The following WASHC3 variants were observed in gnomAD, a reference collection of about 807,000 sequenced individuals.
The protein encoded by WASHC3 is WASH complex subunit CCDC53.
Under a neutral mutation model 26.1 loss-of-function variants are expected in WASHC3, and 24 were observed. That is an observed-to-expected ratio of 0.92 (90% CI 0.66 to 1.29). The LOEUF (loss-of-function observed/expected upper bound fraction) is 1.29. WASHC3 is among the 50% of genes most tolerant of loss of function. The pLI, the probability that WASHC3 is intolerant of heterozygous loss-of-function variation, is 0.00. For missense variants in WASHC3, 214 were observed against 229.6 expected (o/e 0.93, Z 0.44); for synonymous variants, 77 against 75.7 (o/e 1.02, Z -0.09).
chr12:102,062,095 T>G (rs946339047), upstream of WASHC3: 1 of 703,380 alleles, frequency 1.4e-6, no homozygotes, highest in African/African-American at 1.8e-5. Flanking sequence ...GAAGAAAGCT[T>G]CTCCGCTCAC....
intron 6 of WASHC3, among the ~76,000 whole-genome samples, chr12:102,021,293 T>C (rs765467619): frequency 2.0e-5 from 3 of 152,188 alleles, no homozygotes; most frequent in Non-Finnish European, 4.4e-5. Flanking sequence ...TTTGTCTTAG[T>C]AGGTAGACTC....
chr12:102,050,258 A>C (rs970112066), intron 2 of WASHC3: 4 of 453,534 alleles, frequency 8.8e-6, no homozygotes, highest in East Asian at 7.0e-5. Context: ...TCACTCCACT[A>C]CACTCCAGCA....
upstream of WASHC3, chr12:102,062,098 C>T (rs183616682): frequency 4.2e-5 from 29 of 686,806 alleles, no homozygotes; most frequent in African/African-American, 3.6e-4. Flanking sequence ...GAAAGCTTCT[C>T]CGCTCACTAA....
At chr12:102,040,755 A>G (rs1005786954) in intron 4 of WASHC3, among the ~76,000 whole-genome samples, 4 of 152,110 alleles carry the variant, frequency 2.6e-5, no homozygotes, top group Admixed American at 2.0e-4. Context: ...GCTTAAATGC[A>G]AAACTAGATA....
At chr12:102,058,595 CTGTT>C (rs1374711954) in intron 2 of WASHC3, among the ~76,000 whole-genome samples, 1 of 152,062 alleles carries the variant, frequency 6.6e-6, no homozygotes, top group African/African-American at 2.4e-5. Context: ...CCTCTGTACA[CTGTT>C]GGTGGGAATG....
intron 1 of WASHC3, among the ~76,000 whole-genome samples, 191 bp from the exon 2 acceptor site, chr12:102,061,537 T>C (rs552100113): frequency 1.3e-5 from 2 of 152,190 alleles, no homozygotes; most frequent in Admixed American, 6.5e-5. Context: ...CACAAAAGTT[T>C]GAGAACAGGC....
rs564114249 is a variant in WASHC3 at position 102,013,635 on chromosome 12, G to A, written c.501-443C>T. ...TGCAGGGAGAAACTTAGAAATGGAA[G>A]AGAGTTCAAAAATGGCTAATAAAAA... On this transcript the variant is annotated intron_variant, in intron 6 of 6. Coordinates refer to ENST00000240079, the MANE Select transcript of WASHC3 (RefSeq NM_016053.4). 2.6e-5 allele frequency among the ~76,000 whole-genome samples: 4 copies of A among 152,334 alleles called. No homozygotes were observed. The South Asian group carries it at 8.3e-4, about 32-fold the overall frequency.
intron 5 of WASHC3, among the ~76,000 whole-genome samples, chr12:102,033,550 T>C (rs968573940): frequency 1.1e-4 from 17 of 152,196 alleles, no homozygotes; most frequent in African/African-American, 4.1e-4. Flanking sequence ...TATTTTTAAA[T>C]GACAAGAATA....
intron 5 of WASHC3, among the ~76,000 whole-genome samples, chr12:102,035,776 T>A (rs1262269631): frequency 6.6e-6 from 1 of 152,148 alleles, no homozygotes; most frequent in African/African-American, 2.4e-5. Context: ...CATTTTCAAC[T>A]GGAGATACAA....
At chr12:102,049,060 G>C (rs1267489893) in intron 2 of WASHC3, among the ~76,000 whole-genome samples, 1 of 152,178 alleles carries the variant, frequency 6.6e-6, no homozygotes, top group East Asian at 1.9e-4. Context: ...GTATGCTTGT[G>C]GCATTTTCCT....
rs568092021 is a variant in WASHC3, at chr12:102,018,768, C to T, written c.501-5576G>A. On this transcript the variant is annotated intron_variant, in intron 6 of 6. Coordinates refer to ENST00000240079, the MANE Select transcript of WASHC3 (RefSeq NM_016053.4). ...TACAGGCACGAGCCACTGCACCTGGCTCCTCATTCATTTTATTATTTATTT... is the reference window on the plus strand; with the variant it reads ...TACAGGCACGAGCCACTGCACCTGGTTCCTCATTCATTTTATTATTTATTT... Among the ~76,000 whole-genome samples the T allele has an allele frequency of 7.2e-5, 11 of 152,244 alleles. No individual in the cohort carries two copies. The East Asian group carries it at 1.9e-3, about 27-fold the overall frequency.
At chr12:102,019,260 G>A in intron 6 of WASHC3, 1 of 215,552 alleles carries the variant, frequency 4.6e-6, no homozygotes, top group Non-Finnish European at 9.6e-6. Flanking sequence ...AATATTACTA[G>A]TAATAATAAA....
chr12:102,049,383 GA>G (rs1878298848), intron 2 of WASHC3, among the ~76,000 whole-genome samples: 1 of 152,208 alleles, frequency 6.6e-6, no homozygotes, highest in Non-Finnish European at 1.5e-5. Context: ...AGAGGAAATG[GA>G]AAGGTAACAG....
At chr12:102,022,554 G>T (rs911352757) in intron 6 of WASHC3, among the ~76,000 whole-genome samples, 10 of 152,134 alleles carry the variant, frequency 6.6e-5, no homozygotes, top group African/African-American at 2.4e-4. Context: ...CTAGAAAGTG[G>T]CAAGTAATAC....
Position 102,012,944 on chromosome 12 carries a change from G to T in WASHC3, c.*164C>A. On this transcript the variant is annotated 3_prime_UTR_variant, in exon 7 of 7. Transcript: ENST00000240079. ...TTTATTTTAGCAACAAGACATACTGGCAGGTTAAAACTGCTTTATTATTAT... is the reference window on the plus strand; with the variant it reads ...TTTATTTTAGCAACAAGACATACTGTCAGGTTAAAACTGCTTTATTATTAT... 1 of 476,690 alleles carries T rather than the reference G, an allele frequency of 2.1e-6. No homozygotes were observed. The highest frequency in any genetic ancestry group is 3.7e-6 in the Non-Finnish European group (1 of 272,028). The allele number at this position is 476,690 out of a possible 1,614,324, so 29.5% of individuals were successfully genotyped here. A position where few individuals can be genotyped will look rare whatever the true frequency, so the allele number is the denominator to read the frequency against.
In WASHC3 at chr12:102,061,938, T is replaced by A. The variant is rs761151111; in HGVS notation, c.25A>T (p.Met9Leu). ...TTGGTCAGGTCTATGCCTGACCCCA[T>A]GAGAGGAAGCCCGTCCTCATCCATC... is the stretch of plus-strand genomic sequence containing the variant. MDEDGLPL[M>L]GSGIDLTKVP... The change falls in exon 1 of 7, where the codon ATG becomes TTG. Residue 9 changes from methionine (M) to leucine (L), a missense_variant. Transcript: ENST00000240079. The A allele has an allele frequency of 6.2e-6, 10 of 1,601,756 alleles. No individual in the cohort carries two copies. The highest frequency in any genetic ancestry group is 7.7e-6 in the Non-Finnish European group (9 of 1,173,654).
chr12:102,017,617 T>C, intron 6 of WASHC3: 1 of 288,936 alleles, frequency 3.5e-6, no homozygotes, highest in South Asian at 3.0e-5. Context: ...CAACAGTAGA[T>C]GAGATTAGAA....
At chr12:102,025,629 C>A (rs1225855040) in intron 6 of WASHC3, among the ~76,000 whole-genome samples, 2 of 102,390 alleles carry the variant, frequency 2.0e-5, no homozygotes, top group Non-Finnish European at 4.1e-5. Flanking sequence ...CAAAAAAGCA[C>A]AAACCAACAA....
At position 102,044,141 on chromosome 12, in the gene WASHC3, A is replaced by C. The variant is rs1565818266; in HGVS notation, c.288T>G (p.Asn96Lys). 1 of 1,609,758 alleles carries C rather than the reference A, an allele frequency of 6.2e-7. No individual in the cohort carries two copies. The highest frequency in any genetic ancestry group is 1.7e-5 in the Admixed American group (1 of 59,676). Residue 96 changes from asparagine (N) to lysine (K), a missense_variant, in exon 4 of 7, where the codon AAT (asparagine) becomes AAG (lysine). By Grantham distance (94) the Asn-to-Lys change is moderately conservative. Transcript: ENST00000240079. ...VSPLNVTSVT[N>K]GAHPEATSEQ... ...CTGAAGTGGCTTCAGGATGTGCTCC[A>C]TTTGTGACACTGGTGACATTTAAAG...
Sources: allele counts gnomAD v4.1 joint callset (sites outside exome capture counted in the v4.1 genomes callset), GRCh38; gene constraint gnomAD v4.1.1; transcripts MANE v1.5; gene names NCBI Gene and HGNC (gene_info 2026-07-23, HGNC 2026-07-21).